SETD3: variants seen among roughly 807,000 people sequenced by gnomAD.
SETD3 encodes actin-histidine N-methyltransferase.
A neutral mutation model predicts 63.0 loss-of-function variants in SETD3; 19 were observed. That is an observed-to-expected ratio of 0.30 (90% CI 0.21 to 0.44). The LOEUF (loss-of-function observed/expected upper bound fraction) is 0.44, where lower values mean the gene tolerates loss of function less well. Among genes scored for constraint, SETD3 ranks in the 20% least tolerant of loss-of-function variants. SETD3 has a pLI of 1.00. For missense variants in SETD3, 587 were observed against 728.5 expected (o/e 0.81, Z 2.24); for synonymous variants, 286 against 264.1 (o/e 1.08, Z -0.80).
At chr14:99,443,107 A>T (rs1893925654) in intron 6 of SETD3, among the ~76,000 whole-genome samples, 1 of 152,194 alleles carries the variant, frequency 6.6e-6, no homozygotes, top group Non-Finnish European at 1.5e-5. Context: ...GTGAAGCTGG[A>T]CGTGAACACA....
At chr14:99,400,010 G>T (rs1891302833) in intron 12 of SETD3, 89 bp downstream of exon 12, 2 of 1,227,456 alleles carry the variant, frequency 1.6e-6, no homozygotes, top group Non-Finnish European at 1.1e-6. Flanking sequence ...CAAAGTGCTG[G>T]GATTACAGGC....
intron 6 of SETD3, among the ~76,000 whole-genome samples, chr14:99,434,685 TAA>T (rs2139699728): frequency 1.3e-5 from 2 of 151,718 alleles, no homozygotes; most frequent in East Asian, 3.9e-4. Context: ...CCGTCTCTAC[TAA>T]AAATACAAAA....
intron 4 of SETD3, among the ~76,000 whole-genome samples, chr14:99,459,790 C>CA (rs1894968917): frequency 6.6e-6 from 1 of 152,182 alleles, no homozygotes. Context: ...ATCTACACTG[C>CA]AAAAAACATG....
chr14:99,479,491 A>C (rs953524127), intron 1 of SETD3, among the ~76,000 whole-genome samples: 1 of 152,214 alleles, frequency 6.6e-6, no homozygotes. Flanking sequence ...ATTTTGCTAT[A>C]TTCTTGGGTT....
intron 6 of SETD3, among the ~76,000 whole-genome samples, chr14:99,442,675 T>TTGTAATACAGTA (rs1893892590): frequency 6.6e-6 from 1 of 152,270 alleles, no homozygotes; most frequent in African/African-American, 2.4e-5. Flanking sequence ...GCTTACTTTA[T>TTGTAATACAGTA]TGTAATACAG....
At chr14:99,477,039 G>A (rs868460285) in intron 1 of SETD3, among the ~76,000 whole-genome samples, 9 of 152,206 alleles carry the variant, frequency 5.9e-5, no homozygotes, top group Admixed American at 1.3e-4. Flanking sequence ...CTGAGGTTAG[G>A]CTTGCAAAAG....
At chr14:99,405,802 G>T (rs1310486043) in intron 9 of SETD3, among the ~76,000 whole-genome samples, 1 of 152,212 alleles carries the variant, frequency 6.6e-6, no homozygotes, top group African/African-American at 2.4e-5. Context: ...CTGTAAAGCA[G>T]TATCTGTCAG....
chr14:99,414,880 G>C (rs2139647929), intron 6 of SETD3, among the ~76,000 whole-genome samples: 1 of 152,308 alleles, frequency 6.6e-6, no homozygotes, highest in Non-Finnish European at 1.5e-5. Context: ...TTTTAATGCA[G>C]GAAGCTCCAT....
chr14:99,431,718 C>T (rs1248259233), intron 6 of SETD3, among the ~76,000 whole-genome samples: 3 of 151,904 alleles, frequency 2.0e-5, no homozygotes, highest in African/African-American at 7.3e-5. Flanking sequence ...CTTGAACTCC[C>T]GACCTCAGGT....
chr14:99,464,071 C>A (rs950384887), intron 2 of SETD3, among the ~76,000 whole-genome samples: 1 of 152,200 alleles, frequency 6.6e-6, no homozygotes, highest in African/African-American at 2.4e-5. Context: ...AATTAGTCGA[C>A]AAACATTTCA....
chr14:99,426,201 C>T (rs1463623114), intron 6 of SETD3, among the ~76,000 whole-genome samples: 2 of 152,218 alleles, frequency 1.3e-5, no homozygotes, highest in Non-Finnish European at 2.9e-5. Flanking sequence ...CTCCAGTGAC[C>T]TCTAAATGTC....
chr14:99,482,974 T>C (rs944217786), upstream of SETD3, among the ~76,000 whole-genome samples: 6 of 152,062 alleles, frequency 3.9e-5, no homozygotes, highest in African/African-American at 1.2e-4. Flanking sequence ...GATTACAGAG[T>C]GATCATATTT....
In SETD3 at chr14:99,437,143, A is replaced by C. The variant is rs114833330; in HGVS notation, c.675+21136T>G. Among the ~76,000 whole-genome samples, 837 of 152,350 alleles carry C rather than the reference A, an allele frequency of 5.5e-3. 7 individuals are homozygous for C. Among genetic ancestry groups the C allele is most frequent in the African/African-American group, 0.019 (798 of 41,578 alleles). ...AATTTCCTCACTGTCAAATGAGAAC[A>C]GAAGTACCCAGACCTCGCAGGCACG... On this transcript the variant is annotated intron_variant, in intron 6 of 12. Coordinates refer to ENST00000331768, the MANE Select transcript of SETD3 (RefSeq NM_032233.3).
intron 9 of SETD3, among the ~76,000 whole-genome samples, chr14:99,405,963 G>C (rs907463745): frequency 1.3e-5 from 2 of 152,158 alleles, no homozygotes; most frequent in African/African-American, 2.4e-5. Flanking sequence ...TGAGTTCCAT[G>C]ACTGTACTGT....
intron 6 of SETD3, among the ~76,000 whole-genome samples, chr14:99,424,311 A>C (rs1304616377): frequency 6.6e-6 from 1 of 152,204 alleles, no homozygotes; most frequent in African/African-American, 2.4e-5. Context: ...GTAGGGTCAG[A>C]AAAGCCTGGA....
chr14:99,464,553 G>A (rs1417360043), intron 2 of SETD3, among the ~76,000 whole-genome samples: 7 of 152,262 alleles, frequency 4.6e-5, no homozygotes, highest in Admixed American at 6.5e-5. Context: ...ACACTCCACC[G>A]GCCAGTAGGG....
At chr14:99,424,709 A>G (rs1438676525) in intron 6 of SETD3, among the ~76,000 whole-genome samples, 1 of 151,948 alleles carries the variant, frequency 6.6e-6, no homozygotes, top group East Asian at 1.9e-4. Context: ...GACATAAGAA[A>G]CCCAGGTGGA....
intron 8 of SETD3, chr14:99,412,573 T>C (rs1892055029): frequency 6.1e-6 from 1 of 164,544 alleles, no homozygotes; most frequent in Non-Finnish European, 1.3e-5. Context: ...AGAAATATGA[T>C]TTTTTTTCCC....
At chr14:99,448,211 A>C (rs184876556) in intron 6 of SETD3, among the ~76,000 whole-genome samples, 19 of 152,228 alleles carry the variant, frequency 1.2e-4, no homozygotes, top group Non-Finnish European at 2.1e-4. Context: ...TCCCCATTTG[A>C]AAAATGAGGA....
Sources: gnomAD v4.1 joint callset for allele counts (sites outside exome capture counted in the v4.1 genomes callset) on GRCh38, gnomAD v4.1.1 for gene constraint, MANE v1.5 for transcripts, NCBI Gene and HGNC (gene_info 2026-07-23, HGNC 2026-07-21) for gene names.